Variants in CPAMD8 observed in about 807,000 individuals in gnomAD.
CPAMD8 encodes the protein C3 and PZP-like alpha-2-macroglobulin domain-containing protein 8.
In CPAMD8, 146 loss-of-function variants were observed where a neutral mutation model predicts 224.7. That is an observed-to-expected ratio of 0.65 (90% confidence interval 0.57 to 0.75). The LOEUF (loss-of-function observed/expected upper bound fraction) is 0.75. CPAMD8 is among the 30% of genes least tolerant of loss of function. The probability of loss-of-function intolerance (pLI) is 0.00; values close to 1 mark genes in which losing one functional copy is unlikely to be tolerated. For synonymous variants in CPAMD8, 966 were observed against 1,044.6 expected, an observed-to-expected ratio of 0.92 and a Z score of 1.45; for missense variants, 2,301 against 2,537.5, an observed-to-expected ratio of 0.91 and a Z score of 2.00.
chr19:16,903,994 A>G, intron 32 of CPAMD8, 137 bp from the exon 33 acceptor site: 1 of 956,378 alleles, frequency 1.0e-6, no homozygotes, highest in Middle Eastern at 3.1e-4. Flanking sequence ...GCAGACACCC[A>G]TGGCACTGGG....
Position 16,914,737 on chromosome 19 carries a change from C to A in CPAMD8, c.3706G>T (p.Ala1236Ser), listed in dbSNP as rs774635346. 2 of 1,614,044 alleles carry A rather than the reference C, an allele frequency of 1.2e-6. No homozygotes were observed. The highest frequency in any genetic ancestry group is 1.3e-5 in the African/African-American group (1 of 75,052). Residue 1236 changes from alanine to serine, a missense_variant, in exon 28 of 42, where the codon GCC becomes TCC. Ala to Ser is a moderately conservative substitution (Grantham distance 99). Coordinates refer to ENST00000443236, the MANE Select transcript of CPAMD8 (RefSeq NM_015692.5). ...TGCTGCTGGATGATCCAGCTCTTGGCGGCAGCCAGCTCCCGGGGGTCCACG... is the reference window on the plus strand; with the variant it reads ...TGCTGCTGGATGATCCAGCTCTTGGAGGCAGCCAGCTCCCGGGGGTCCACG... ...IFVDPRELAA[A>S]KSWIIQQQQA...
intron 29 of CPAMD8, among the ~76,000 whole-genome samples, chr19:16,912,898 G>A (rs560495853): frequency 2.6e-5 from 4 of 152,222 alleles, no homozygotes; most frequent in South Asian, 2.1e-4. Context: ...AATGACATCC[G>A]ACTTCTCAGT....
At chr19:17,019,971 C>CTTTTTTT (rs569150151) in intron 3 of CPAMD8, among the ~76,000 whole-genome samples, 13 of 97,870 alleles carry the variant, frequency 1.3e-4, no homozygotes, top group African/African-American at 2.0e-4. Context: ...TTTTTCTTTT[C>CTTTTTTT]TTTTTTTTTT....
At position 16,902,681 on chromosome 19, in the gene CPAMD8, C is replaced by T; in HGVS notation, c.4653G>A (p.Gln1551=). 1 of 1,609,432 alleles carries T rather than the reference C, an allele frequency of 6.2e-7. No individual in the cohort carries two copies. The highest frequency in any genetic ancestry group is 8.5e-7 in the Non-Finnish European group (1 of 1,178,076). Residue 1551 remains glutamine (Q), a synonymous_variant, in exon 35 of 42, where the codon CAG becomes CAA. Transcript: ENST00000443236. ...DDDPAADQHH[Q]EYKVMLEVCT... is the part of the protein sequence containing the mutation. The stretch of plus-strand genomic sequence containing the variant: ...ACACCTCCAGCATCACCTTGTATTC[C>T]TGGTGATGCTGATCGGCCGCTGGGT...
chr19:16,965,034 G>T (rs2122558500), intron 18 of CPAMD8, among the ~76,000 whole-genome samples: 1 of 152,272 alleles, frequency 6.6e-6, no homozygotes, highest in Admixed American at 6.5e-5. Flanking sequence ...GCTGAGGCAG[G>T]CAGATCACAA....
At position 16,920,243 on chromosome 19, in the gene CPAMD8, G is replaced by C. The variant is rs545744945; in HGVS notation, c.3629+1662C>G. On this transcript the variant is annotated intron_variant, in intron 27 of 41. Transcript: ENST00000443236. ...GCCTGTAATCCCAGCACTTTGGGAG[G>C]CCGAGGCGGGCGGATCACAAGGTCA... Among the ~76,000 whole-genome samples the C allele has an allele frequency of 3.3e-5, 5 of 152,220 alleles. No individual in the cohort carries two copies. In the Middle Eastern group the frequency reaches 0.01, roughly 311 times the overall value.
At chr19:16,908,806 C>T (rs1308287313) in intron 29 of CPAMD8, among the ~76,000 whole-genome samples, 1 of 152,190 alleles carries the variant, frequency 6.6e-6, no homozygotes, top group East Asian at 1.9e-4. Flanking sequence ...ACCCGGCTGA[C>T]TAGCCAGACC....
chr19:17,017,802 G>A (rs532541252), intron 3 of CPAMD8, among the ~76,000 whole-genome samples: 56 of 152,308 alleles, frequency 3.7e-4, no homozygotes, highest in African/African-American at 1.2e-3. Flanking sequence ...GGGCTGAGGT[G>A]GGCAGATCAA....
intron 19 of CPAMD8, among the ~76,000 whole-genome samples, chr19:16,954,154 G>A (rs970669505): frequency 5.3e-5 from 8 of 152,168 alleles, no homozygotes; most frequent in Middle Eastern, 3.4e-3. Context: ...AGTAGTGGGT[G>A]AAACCCCGTC....
At chr19:16,952,295 A>C in intron 19 of CPAMD8, 95 bp from the exon 20 acceptor site, 1 of 712,558 alleles carries the variant, frequency 1.4e-6, no homozygotes, top group Non-Finnish European at 2.4e-6. Flanking sequence ...TGCATGGCTC[A>C]GAGAGGCACC....
chr19:16,940,972 C>T (rs1324327723), intron 22 of CPAMD8, among the ~76,000 whole-genome samples: 1 of 152,188 alleles, frequency 6.6e-6, no homozygotes, highest in African/African-American at 2.4e-5. Flanking sequence ...GCTCTGTCGC[C>T]CAGGCTGGAG....
At chr19:17,011,803 T>A (rs948018946) in intron 3 of CPAMD8, 46 bp from the exon 4 acceptor site, 59 of 1,586,984 alleles carry the variant, frequency 3.7e-5, no homozygotes, top group Non-Finnish European at 5.0e-5. Context: ...CACCCTGGAA[T>A]GGGCCAAGAT....
At chr19:16,956,908 C>T (rs1033858529) in intron 19 of CPAMD8, among the ~76,000 whole-genome samples, 5 of 152,198 alleles carry the variant, frequency 3.3e-5, no homozygotes, top group African/African-American at 1.2e-4. Context: ...TCTCGTGATC[C>T]ACCTGCCTCA....
At chr19:17,002,441 C>T (rs1439299339) in intron 8 of CPAMD8, 91 bp from the exon 9 acceptor site, 7 of 783,122 alleles carry the variant, frequency 8.9e-6, no homozygotes, top group Non-Finnish European at 1.5e-5. Context: ...CTGAGGACCA[C>T]AGCACCTGGC....
chr19:16,923,489 T>C (rs992941237), intron 26 of CPAMD8, among the ~76,000 whole-genome samples: 1 of 152,096 alleles, frequency 6.6e-6, no homozygotes, highest in Non-Finnish European at 1.5e-5. Context: ...ACAGGACCGG[T>C]GACCAAAGAA....
At chr19:17,015,498 C>T (rs1350894133) in intron 3 of CPAMD8, among the ~76,000 whole-genome samples, 1 of 152,098 alleles carries the variant, frequency 6.6e-6, no homozygotes, top group Admixed American at 6.6e-5. Flanking sequence ...CCGTCCCAGC[C>T]CTCTCTCCAG....
chr19:17,010,749 G>A (rs111295880), intron 5 of CPAMD8, among the ~76,000 whole-genome samples: 3 of 152,226 alleles, frequency 2.0e-5, no homozygotes, highest in African/African-American at 7.2e-5. Context: ...ATAGCCAGGT[G>A]CAGTGGCTCA....
intron 41 of CPAMD8, 69 bp downstream of exon 41, chr19:16,896,107 T>C (rs748188011): frequency 2.1e-6 from 3 of 1,413,094 alleles, no homozygotes; most frequent in Non-Finnish European, 2.8e-6. Context: ...CGGGGGAGGT[T>C]GGTAGGGGAG....
intron 23 of CPAMD8, among the ~76,000 whole-genome samples, chr19:16,930,140 G>A (rs11878393): frequency 0.051 from 7,746 of 151,738 alleles, 661 homozygotes; most frequent in African/African-American, 0.18. Flanking sequence ...CTGTAATCCC[G>A]GCTACTCAGG....
Sources: gnomAD v4.1 joint callset for allele counts (sites outside exome capture counted in the v4.1 genomes callset) on GRCh38, gnomAD v4.1.1 for gene constraint, MANE v1.5 for transcripts, NCBI Gene and HGNC (gene_info 2026-07-23, HGNC 2026-07-21) for gene names.